Variants in STAT4 observed in about 807,000 individuals in gnomAD.
STAT4 encodes the protein signal transducer and activator of transcription 4.
A neutral mutation model predicts 110.5 loss-of-function variants in STAT4; 42 were observed. That is an observed-to-expected ratio of 0.38 (90% CI 0.30 to 0.49). STAT4 has a LOEUF of 0.49. Among genes scored for constraint, STAT4 ranks in the 20% least tolerant of loss-of-function variants. The probability of loss-of-function intolerance (pLI) is 0.95; values close to 1 mark genes in which losing one functional copy is unlikely to be tolerated. For missense variants in STAT4, 632 were observed against 887.9 expected (o/e 0.71, Z 3.66); for synonymous variants, 284 against 302.2 (o/e 0.94, Z 0.63).
At position 191,116,180 on chromosome 2, in the gene STAT4, A is replaced by C. The variant is rs543672245; in HGVS notation, c.273+30433T>G. Among the ~76,000 whole-genome samples, 63 of 152,314 alleles carry C rather than the reference A, an allele frequency of 4.1e-4. No individual in the cohort carries two copies. Among genetic ancestry groups the C allele is most frequent in the African/African-American group, 1.5e-3 (63 of 41,568 alleles). On this transcript the variant is annotated intron_variant, in intron 3 of 23. Transcript: ENST00000392320. This position sits in a 1 kb window ranked among gnomAD's most constrained non-coding sequence, Gnocchi z 4.1. ...ATGGTACTCTTCCATTCCCAATGTG[A>C]AGCTAAGATCACATATGTACCCTTT...
rs745974301 is a variant in STAT4 at position 191,033,643 on chromosome 2, C to T, written c.1716-17G>A. ...ATGACATACCTAAAAATAGAACATGCATTATTTCATCTGATCATTATTGGA... is the reference window on the plus strand; with the variant it reads ...ATGACATACCTAAAAATAGAACATGTATTATTTCATCTGATCATTATTGGA... On this transcript the variant is annotated splice_polypyrimidine_tract_variant and intron_variant, in intron 19 of 23. Transcript: ENST00000392320. The surrounding 1 kb of genome is among the most constrained non-coding windows in gnomAD (Gnocchi z 6.9). 1.9e-6 allele frequency: 3 copies of T among 1,608,570 alleles called. No homozygotes were observed. The highest frequency in any genetic ancestry group is 1.7e-6 in the Non-Finnish European group (2 of 1,178,246).
At chr2:191,068,067 G>C (rs956194949) in intron 6 of STAT4, 1 of 152,008 alleles carries the variant, frequency 6.6e-6, no homozygotes, top group Admixed American at 6.6e-5. Context: ...AACCTTTCCC[G>C]TCTTCACCAA....
chr2:191,146,862 C>T lies in STAT4; in HGVS notation c.129-105G>A, dbSNP rs1326788994. 8.1e-6 allele frequency: 9 copies of T among 1,110,960 alleles called. No individual in the cohort carries two copies. The highest frequency in any genetic ancestry group is 1.1e-5 in the Non-Finnish European group (9 of 847,376). The allele number at this position is 1,110,960 out of a possible 1,614,324, so 68.8% of individuals were successfully genotyped here. A position where few individuals can be genotyped will look rare whatever the true frequency, so the allele number is the denominator to read the frequency against. Reference sequence around the variant, plus strand: ...AATAAACCTATTACATGGTGATAAGCATTTAAAAGTTTTAAAAAATTAAAT... The same window carrying T: ...AATAAACCTATTACATGGTGATAAGTATTTAAAAGTTTTAAAAAATTAAAT... On this transcript the variant is annotated intron_variant, in intron 2 of 23. Transcript: ENST00000392320. This position sits in a 1 kb window ranked among gnomAD's most constrained non-coding sequence, Gnocchi z 4.5.
At chr2:191,108,048 T>G (rs13032230) in intron 3 of STAT4, among the ~76,000 whole-genome samples, 33 of 151,622 alleles carry the variant, frequency 2.2e-4, no homozygotes, top group African/African-American at 7.7e-4. Context: ...CCCAGCACTT[T>G]GGGAGGCCTA....
At position 191,041,133 on chromosome 2, in the gene STAT4, T is replaced by G; in HGVS notation, c.1267A>C (p.Thr423Pro). The change falls in exon 15 of 24, where the codon ACT becomes CCT. Residue 423 changes from threonine (T) to proline (P), a missense_variant. Around this residue, in one of 4 missense-constraint regions of STAT4, gnomAD observed 488 missense variants for 632.8 expected, o/e 0.77. Transcript: ENST00000392320. Reference protein sequence around the residue: ...GKGNEGCHMVTEELHSITFET... With the variant: ...GKGNEGCHMVPEELHSITFET... ...AACGTTATGGAATGAAGTTCTTCAG[T>G]CACCATGTGACAGCCCTAAGGAAGA... The G allele has an allele frequency of 6.7e-7, 1 of 1,483,686 alleles. No homozygotes were observed. Among genetic ancestry groups the G allele is most frequent in the Non-Finnish European group, 9.0e-7 (1 of 1,110,370 alleles). 91.9% of individuals were successfully genotyped at this position (1,483,686 alleles called of 1,614,324 possible). A position where few individuals can be genotyped will look rare whatever the true frequency, so the allele number is the denominator to read the frequency against.
chr2:191,069,184 C>A (rs1025629535), intron 6 of STAT4, among the ~76,000 whole-genome samples: 2 of 151,864 alleles, frequency 1.3e-5, no homozygotes, highest in African/African-American at 4.8e-5. Context: ...CAGTATTTAT[C>A]TGTAGATAGT....
chr2:191,129,735 C>A (rs1574185565), intron 3 of STAT4, among the ~76,000 whole-genome samples: 3 of 152,314 alleles, frequency 2.0e-5, no homozygotes, highest in African/African-American at 7.2e-5. Flanking sequence ...TCCTCAGTGG[C>A]TTCCCACCAC....
chr2:191,147,838 TG>T lies in STAT4; in HGVS notation c.128+237del, dbSNP rs1203045325. On this transcript the variant is annotated intron_variant, in intron 2 of 23. Transcript: ENST00000392320. This position sits in a 1 kb window ranked among gnomAD's most constrained non-coding sequence, Gnocchi z 4.1. Reference sequence around the variant, plus strand: ...TTTTTTTAATACATGAAAAATTATTTGGGTTTTTGTTTACAGAGAAAAGAAG... The same window carrying T: ...TTTTTTTAATACATGAAAAATTATTTGGTTTTTGTTTACAGAGAAAAGAAG... Among the ~76,000 whole-genome samples the T allele has an allele frequency of 6.6e-6, 1 of 152,144 alleles. No individual in the cohort carries two copies. Among genetic ancestry groups the T allele is most frequent in the East Asian group, 1.9e-4 (1 of 5,196 alleles).
rs1204979710 is a variant in STAT4 at position 191,079,143 on chromosome 2, G to GT, written c.274-2819dup. ...CTTCATCAATAGATAATCTTTTTGT[G>GT]TTTTTTACTACAGCTTTATAGTAAG... On this transcript the variant is annotated intron_variant, in intron 3 of 23. Coordinates refer to ENST00000392320, the MANE Select transcript of STAT4 (RefSeq NM_003151.4). 2.0e-5 allele frequency among the ~76,000 whole-genome samples: 3 copies of GT among 149,440 alleles called. No individual in the cohort carries two copies. In the East Asian group the frequency reaches 5.9e-4, roughly 30 times the overall value.
At chr2:191,131,279 C>T (rs141191297) in intron 3 of STAT4, among the ~76,000 whole-genome samples, 3 of 151,888 alleles carry the variant, frequency 2.0e-5, no homozygotes, top group South Asian at 2.1e-4. Context: ...TTCACAGTAA[C>T]GTTGTTTGCA....
At chr2:191,136,005 G>GAA (rs745380203) in intron 3 of STAT4, among the ~76,000 whole-genome samples, 189 of 79,708 alleles carry the variant, frequency 2.4e-3, no homozygotes, top group Middle Eastern at 0.011. Context: ...CAGCATCTCA[G>GAA]AAAAAAAAAA....
intron 3 of STAT4, among the ~76,000 whole-genome samples, chr2:191,080,702 C>A (rs1697441617): frequency 6.6e-6 from 1 of 152,132 alleles, no homozygotes; most frequent in South Asian, 2.1e-4. Context: ...ACTTTTCAGG[C>A]AGATGTCCAT....
At position 191,061,771 on chromosome 2, in the gene STAT4, G is replaced by A; in HGVS notation, c.992C>T (p.Pro331Leu). ...CTGAATTAGGGTTTTAAGTACCAAC[G>A]GCCTCTGAGGGTGGGTTGGCATACA... Reference protein sequence around the residue: ...QPCMPTHPQRPLVLKTLIQFT... With the variant: ...QPCMPTHPQRLLVLKTLIQFT... The change falls in exon 10 of 24, where the codon CCG becomes CTG. Residue 331 changes from proline (P) to leucine (L), a missense_variant. By Grantham distance (98) the Pro-to-Leu change is moderately conservative (BLOSUM62 -3). Coordinates refer to ENST00000392320, the MANE Select transcript of STAT4 (RefSeq NM_003151.4). This position sits in a 1 kb window ranked among gnomAD's most constrained non-coding sequence, Gnocchi z 6.2. The A allele has an allele frequency of 1.4e-5, 22 of 1,613,392 alleles. No individual in the cohort carries two copies. The highest frequency in any genetic ancestry group is 1.6e-5 in the Non-Finnish European group (19 of 1,179,752).
At chr2:191,094,079 T>C (rs1697887424) in intron 3 of STAT4, among the ~76,000 whole-genome samples, 2 of 152,038 alleles carry the variant, frequency 1.3e-5, no homozygotes, top group South Asian at 2.1e-4. Context: ...CCAAGAAATA[T>C]GGGACTATGT....
rs114318317 is a variant in STAT4, at chr2:191,150,967, G to T, written c.-22C>A. 1.0e-3 allele frequency: 995 copies of T among 985,748 alleles called. 6 individuals are homozygous for T. The African/African-American group carries it at 0.016, about 16-fold the overall frequency. 61.1% of individuals were successfully genotyped at this position (985,748 alleles called of 1,614,324 possible). ...CTTACCTAGCGCTCTCTCAGCACAG[G>T]TCCCAGGCAGTGCTCAAGTCCAAAG... is the stretch of plus-strand genomic sequence containing the variant. On this transcript the variant is annotated 5_prime_UTR_variant, in exon 1 of 24. Transcript: ENST00000392320. The surrounding 1 kb of genome is among the most constrained non-coding windows in gnomAD (Gnocchi z 6.4).
At chr2:191,089,225 T>A (rs1697723309) in intron 3 of STAT4, among the ~76,000 whole-genome samples, 3 of 152,040 alleles carry the variant, frequency 2.0e-5, no homozygotes, top group Non-Finnish European at 4.4e-5. Context: ...GAAAACAAAC[T>A]CAATTTAAAA....
At chr2:191,128,976 C>T (rs1382954806) in intron 3 of STAT4, among the ~76,000 whole-genome samples, 3 of 152,108 alleles carry the variant, frequency 2.0e-5, no homozygotes, top group Non-Finnish European at 2.9e-5. Context: ...TACAGTACCT[C>T]CTAACTGAAA....
intron 8 of STAT4, among the ~76,000 whole-genome samples, chr2:191,064,500 C>T (rs1272989454): frequency 1.3e-5 from 2 of 152,190 alleles, no homozygotes; most frequent in African/African-American, 4.8e-5. Context: ...GAAACTAGTG[C>T]TTCTTTATTC....
Position 191,138,051 on chromosome 2 carries a change from A to C in STAT4, c.273+8562T>G, listed in dbSNP as rs1559084146. Among the ~76,000 whole-genome samples, 2 of 152,200 alleles carry C rather than the reference A, an allele frequency of 1.3e-5. No homozygotes were observed. The highest frequency in any genetic ancestry group is 6.5e-5 in the Admixed American group (1 of 15,282). On this transcript the variant is annotated intron_variant, in intron 3 of 23. Transcript: ENST00000392320. This position sits in a 1 kb window ranked among gnomAD's most constrained non-coding sequence, Gnocchi z 4.3. Reference sequence around the variant, plus strand: ...AAAGCTTCTGCACAGCAAAGGAAACAATCAGCAGAGTGAAGAGACAATCTG... The same window carrying C: ...AAAGCTTCTGCACAGCAAAGGAAACCATCAGCAGAGTGAAGAGACAATCTG...
Sources: allele counts gnomAD v4.1 joint callset (sites outside exome capture counted in the v4.1 genomes callset), GRCh38; gene constraint gnomAD v4.1.1; regional missense constraint gnomAD v4.1.1; non-coding constraint Gnocchi (gnomAD v3.1); transcripts MANE v1.5; gene names NCBI Gene and HGNC (gene_info 2026-07-23, HGNC 2026-07-21).